Variants in VKORC1L1 observed in about 807,000 individuals in gnomAD.
VKORC1L1 encodes the protein vitamin K epoxide reductase complex subunit 1-like protein 1.
In VKORC1L1, 2 loss-of-function variants were observed where a neutral mutation model predicts 18.9. The ratio of observed to expected loss-of-function variants is 0.11; its 90% CI spans 0.04 to 0.33. The LOEUF is 0.33. VKORC1L1 is among the 10% of genes least tolerant of loss of function. VKORC1L1 has a pLI of 1.00. For synonymous variants in VKORC1L1, 96 were observed against 100.0 expected (o/e 0.96, Z 0.24); for missense variants, 123 against 224.1 (o/e 0.55, Z 2.88).
chr7:65,877,421 C>T (rs1038183048), intron 1 of VKORC1L1, among the ~76,000 whole-genome samples: 1 of 151,534 alleles, frequency 6.6e-6, no homozygotes, highest in African/African-American at 2.4e-5. Context: ...GATCTCAGCT[C>T]ACTGCAACCT....
intron 1 of VKORC1L1, among the ~76,000 whole-genome samples, chr7:65,907,295 G>A (rs1369758411): frequency 1.3e-5 from 2 of 152,018 alleles, no homozygotes; most frequent in Admixed American, 6.6e-5. Flanking sequence ...ACAAAAATTA[G>A]GCATGGTGGC....
chr7:65,875,659 C>T (rs1483233085), intron 1 of VKORC1L1, among the ~76,000 whole-genome samples: 5 of 150,860 alleles, frequency 3.3e-5, no homozygotes, highest in Admixed American at 6.7e-5. Flanking sequence ...CCTCGTGATC[C>T]GCCCTCCTCG....
rs140901367 is a variant in VKORC1L1, at chr7:65,905,334, G to A, written c.194+31769G>A. Among the ~76,000 whole-genome samples, 736 of 151,206 alleles carry A rather than the reference G, an allele frequency of 4.9e-3. 8 individuals are homozygous for A. The highest frequency in any genetic ancestry group is 0.016 in the African/African-American group (644 of 41,174). Reference sequence around the variant, plus strand: ...TTTATTTTTTTATTTTTTTTGAGATGGAGTCTCGCTCTGTCATCCAGGCTG... The same window carrying A: ...TTTATTTTTTTATTTTTTTTGAGATAGAGTCTCGCTCTGTCATCCAGGCTG... On this transcript the variant is annotated intron_variant, in intron 1 of 2. Transcript: ENST00000360768.
chr7:65,915,473 C>T (rs1378592318), intron 1 of VKORC1L1, among the ~76,000 whole-genome samples: 7 of 150,148 alleles, frequency 4.7e-5, no homozygotes, highest in African/African-American at 1.2e-4. Flanking sequence ...TGCAGTGCTG[C>T]GATCTCTCCT....
At chr7:65,902,183 C>A (rs1383377698) in intron 1 of VKORC1L1, among the ~76,000 whole-genome samples, 1 of 152,122 alleles carries the variant, frequency 6.6e-6, no homozygotes, top group Non-Finnish European at 1.5e-5. Context: ...GGAGAACAAT[C>A]AGCAGAACTA....
intron 1 of VKORC1L1, among the ~76,000 whole-genome samples, chr7:65,896,945 G>T (rs535952138): frequency 6.6e-6 from 1 of 152,284 alleles, no homozygotes; most frequent in African/African-American, 2.4e-5. Flanking sequence ...GTTGCAGTGA[G>T]CCGAGATCGC....
intron 1 of VKORC1L1, among the ~76,000 whole-genome samples, chr7:65,923,692 A>G (rs1180625213): frequency 6.6e-6 from 1 of 152,200 alleles, no homozygotes; most frequent in Non-Finnish European, 1.5e-5. Context: ...AGAGTGTGAG[A>G]CCAAAAAGTG....
At chr7:65,877,060 C>A (rs1788839065) in intron 1 of VKORC1L1, among the ~76,000 whole-genome samples, 1 of 151,972 alleles carries the variant, frequency 6.6e-6, no homozygotes, top group African/African-American at 2.4e-5. Flanking sequence ...AAAAGAAAAA[C>A]AAAAAAACCT....
At chr7:65,950,658 A>T (rs1254098975) in intron 2 of VKORC1L1, among the ~76,000 whole-genome samples, 1 of 152,238 alleles carries the variant, frequency 6.6e-6, no homozygotes, top group Non-Finnish European at 1.5e-5. Context: ...GGTTACAAAT[A>T]GATAATGGTT....
At chr7:65,936,796 G>T (rs1789951912) in intron 1 of VKORC1L1, among the ~76,000 whole-genome samples, 1 of 152,110 alleles carries the variant, frequency 6.6e-6, no homozygotes, top group African/African-American at 2.4e-5. Flanking sequence ...TAGAAAGATG[G>T]GTTTCTCTCA....
intron 2 of VKORC1L1, among the ~76,000 whole-genome samples, chr7:65,951,270 C>G (rs1232685909): frequency 2.0e-5 from 3 of 152,142 alleles, no homozygotes; most frequent in Non-Finnish European, 2.9e-5. Context: ...AATCCATTCA[C>G]GTGGTTCAAA....
intron 1 of VKORC1L1, among the ~76,000 whole-genome samples, chr7:65,923,812 A>G (rs570798854): frequency 1.5e-4 from 23 of 152,354 alleles, no homozygotes; most frequent in Admixed American, 2.6e-4. Flanking sequence ...CAGGGATTTC[A>G]GAGGACAGAG....
At chr7:65,902,476 A>G (rs1280976409) in intron 1 of VKORC1L1, among the ~76,000 whole-genome samples, 2 of 152,240 alleles carry the variant, frequency 1.3e-5, no homozygotes, top group Non-Finnish European at 2.9e-5. Flanking sequence ...GGAAACATTG[A>G]TAGAGCATCA....
At position 65,873,138 on chromosome 7, in the gene VKORC1L1, C is replaced by T. The variant is rs1788752249; in HGVS notation, c.-234C>T. 3.0e-6 allele frequency: 1 copy of T among 335,270 alleles called. No individual in the cohort carries two copies. The highest frequency in any genetic ancestry group is 4.2e-6 in the Non-Finnish European group (1 of 236,088). The allele number at this position is 335,270 out of a possible 1,614,324, so 20.8% of individuals were successfully genotyped here. ...ACTCCACCCCCTCCCTCCGCGCCCG[C>T]GCGCGCCTTCCCCGCCCCGTCCGCC... On this transcript the variant is annotated 5_prime_UTR_variant, in exon 1 of 3. Transcript: ENST00000360768.
the VKORC1L1 span, among the ~76,000 whole-genome samples, chr7:65,866,727 TAGTGAG>T: frequency 1.3e-5 from 2 of 151,908 alleles, no homozygotes; most frequent in African/African-American, 4.8e-5. Context: ...CTGAGTGACA[TAGTGAG>T]ACCCCCATCT....
chr7:65,873,382 C>G lies in VKORC1L1; in HGVS notation c.11C>G (p.Pro4Arg). The G allele has an allele frequency of 6.6e-7, 1 of 1,525,184 alleles. No individual in the cohort carries two copies. The allele number at this position is 1,525,184 out of a possible 1,614,324, so 94.5% of individuals were successfully genotyped here. A position where few individuals can be genotyped will look rare whatever the true frequency, so the allele number is the denominator to read the frequency against. ...GGCGGCGGCGGGAAGATGGCGGCTC[C>G]CGTCCTGCTAAGAGTGTCGGTGCCG... MAA[P>R]VLLRVSVPRW... The change falls in exon 1 of 3, where the codon CCC becomes CGC. Residue 4 changes from proline to arginine, a missense_variant. Around this residue, in one of 4 missense-constraint regions of VKORC1L1, gnomAD observed 60 missense variants for 76.9 expected, o/e 0.78. Transcript: ENST00000360768.
rs545932822 is a variant in VKORC1L1 at position 65,909,272 on chromosome 7, G to A, written c.194+35707G>A. On this transcript the variant is annotated intron_variant, in intron 1 of 2. Coordinates refer to ENST00000360768, the MANE Select transcript of VKORC1L1 (RefSeq NM_173517.6). Reference sequence around the variant, plus strand: ...TTGCTGGGATTGCAGATGAGCCACCGTGCCCGGGCACAGCATCACTTTCAA... The same window carrying A: ...TTGCTGGGATTGCAGATGAGCCACCATGCCCGGGCACAGCATCACTTTCAA... 5.2e-4 allele frequency among the ~76,000 whole-genome samples: 78 copies of A among 150,544 alleles called. No individual in the cohort carries two copies. In the South Asian group the frequency reaches 0.012, roughly 22 times the overall value.
At chr7:65,898,077 GTTTTTTTTT>G (rs71051319) in intron 1 of VKORC1L1, among the ~76,000 whole-genome samples, 2 of 82,970 alleles carry the variant, frequency 2.4e-5, no homozygotes, top group African/African-American at 4.5e-5. Context: ...TTTGTAGCAG[GTTTTTTTTT>G]TTTTTTTTTT....
At chr7:65,913,463 C>T (rs1033180513) in intron 1 of VKORC1L1, among the ~76,000 whole-genome samples, 1 of 152,006 alleles carries the variant, frequency 6.6e-6, no homozygotes, top group Non-Finnish European at 1.5e-5. Flanking sequence ...CGCGGTGACT[C>T]TCACCTGTAA....
Sources: allele counts gnomAD v4.1 joint callset (sites outside exome capture counted in the v4.1 genomes callset), GRCh38; gene constraint gnomAD v4.1.1; regional missense constraint gnomAD v4.1.1; transcripts MANE v1.5; gene names NCBI Gene and HGNC (gene_info 2026-07-23, HGNC 2026-07-21).